The following OVOL1 variants were observed in gnomAD, a reference collection of about 807,000 sequenced individuals.
OVOL1 encodes the protein ovo like transcriptional repressor 1.
A neutral mutation model predicts 21.5 loss-of-function variants in OVOL1; 10 were observed. The observed-to-expected ratio is 0.46, with a 90% CI of 0.29 to 0.79. The LOEUF (loss-of-function observed/expected upper bound fraction) is 0.79. OVOL1 is among the 30% of genes least tolerant of loss of function. OVOL1 has a pLI of 0.10. For missense variants in OVOL1, 279 were observed against 362.3 expected, an observed-to-expected ratio of 0.77 and a Z score of 1.87; for synonymous variants, 129 against 150.3, an observed-to-expected ratio of 0.86 and a Z score of 1.03.
chr11:65,788,274 C>A (rs544157538), intron 1 of OVOL1, among the ~76,000 whole-genome samples: 2 of 152,362 alleles, frequency 1.3e-5, no homozygotes, highest in South Asian at 4.1e-4. Context: ...GACGCCTAGA[C>A]AGCGTCGACT....
chr11:65,790,025 C>G (rs1258296795), intron 1 of OVOL1: 1 of 150,864 alleles, frequency 6.6e-6, no homozygotes, highest in Non-Finnish European at 1.5e-5. Context: ...AGGAAGCCAC[C>G]TTGAACCGCT....
chr11:65,794,168 G>T lies in OVOL1; in HGVS notation c.238G>T (p.Ala80Ser). The T allele has an allele frequency of 6.2e-7, 1 of 1,613,726 alleles. No individual in the cohort carries two copies. The highest frequency in any genetic ancestry group is 8.5e-7 in the Non-Finnish European group (1 of 1,180,024). ...YSMAPGPCVV[A>S]QLPSEDMGHL... Reference sequence around the variant, plus strand: ...CATGGCCCCCGGGCCCTGTGTGGTGGCCCAGCTGCCCTCTGAAGACATGGG... The same window carrying T: ...CATGGCCCCCGGGCCCTGTGTGGTGTCCCAGCTGCCCTCTGAAGACATGGG... The change falls in exon 2 of 4, where the codon GCC becomes TCC. Residue 80 changes from alanine to serine, a missense_variant. Physicochemically the swap from Ala to Ser is moderately conservative, Grantham distance 99 (BLOSUM62 1). Coordinates refer to ENST00000335987, the MANE Select transcript of OVOL1 (RefSeq NM_004561.4).
chr11:65,787,377 C>G lies in OVOL1; in HGVS notation c.4C>G (p.Pro2Ala). 6.3e-7 allele frequency: 1 copy of G among 1,583,734 alleles called. No homozygotes were observed. The highest frequency in any genetic ancestry group is 8.6e-7 in the Non-Finnish European group (1 of 1,165,464). ...GTCCAGCGACGAGGGTTCGAAAATG[C>G]CCCGCGCGTTCCTGGTGAAGAAGCC... M[P>A]RAFLVKKPCV... Residue 2 changes from proline (P) to alanine (A), a missense_variant, in exon 1 of 4, where the codon CCC becomes GCC. Physicochemically the swap from Pro to Ala is conservative, Grantham distance 27. Transcript: ENST00000335987.
chr11:65,794,313 A>G, intron 2 of OVOL1, 65 bp downstream of exon 2: 1 of 1,431,580 alleles, frequency 7.0e-7, no homozygotes. Context: ...CCAGCTCATG[A>G]GACATGGCAC....
intron 1 of OVOL1, among the ~76,000 whole-genome samples, chr11:65,792,067 C>T (rs1858031670): frequency 1.3e-5 from 2 of 152,236 alleles, no homozygotes; most frequent in Non-Finnish European, 2.9e-5. Flanking sequence ...GCCCCTCGCT[C>T]AGGGTGGAGG....
chr11:65,792,453 G>A (rs1858039837), intron 1 of OVOL1: 4 of 152,282 alleles, frequency 2.6e-5, no homozygotes, highest in African/African-American at 9.6e-5. Context: ...AATAGCTGGT[G>A]AGCCTGCATC....
chr11:65,791,785 G>A (rs1157903413), intron 1 of OVOL1, among the ~76,000 whole-genome samples: 1 of 152,260 alleles, frequency 6.6e-6, no homozygotes, highest in Non-Finnish European at 1.5e-5. Context: ...GCTGTGGGCG[G>A]GTGATGAGTA....
Position 65,795,739 on chromosome 11 carries a change from C to T in OVOL1, c.*398C>T. ...GCCTCTCAGCACAGGGCAGGGGCTG[C>T]AGGTCCCCAGTGGACATCAGAGTCA... On this transcript the variant is annotated 3_prime_UTR_variant, in exon 4 of 4. Transcript: ENST00000335987. This position sits in a 1 kb window ranked among gnomAD's most constrained non-coding sequence, Gnocchi z 5.7. 4.0e-6 allele frequency: 1 copy of T among 250,368 alleles called. No homozygotes were observed. The highest frequency in any genetic ancestry group is 7.8e-6 in the Non-Finnish European group (1 of 127,666). The allele number at this position is 250,368 out of a possible 1,614,324, so 15.5% of individuals were successfully genotyped here. A position where few individuals can be genotyped will look rare whatever the true frequency, so the allele number is the denominator to read the frequency against.
intron 1 of OVOL1, among the ~76,000 whole-genome samples, chr11:65,787,924 A>G (rs1857935929): frequency 1.3e-5 from 2 of 152,154 alleles, no homozygotes; most frequent in African/African-American, 4.8e-5. Context: ...GATTTGTGTT[A>G]AAAGCTCAGA....
chr11:65,793,262 G>A (rs1218693470), intron 1 of OVOL1, among the ~76,000 whole-genome samples: 1 of 152,220 alleles, frequency 6.6e-6, no homozygotes, highest in African/African-American at 2.4e-5. Context: ...CTGCCTCGGG[G>A]CGTGGCTGCA....
chr11:65,788,788 C>A, intron 1 of OVOL1: 1 of 985,484 alleles, frequency 1.0e-6, no homozygotes, highest in Non-Finnish European at 1.2e-6. Context: ...CTGGTAACCC[C>A]AGTGGGGAAA....
Position 65,795,623 on chromosome 11 carries a change from T to G in OVOL1, c.*282T>G. Reference sequence around the variant, plus strand: ...GGATGAGGCCAAGGCTGCCTTCAATTAGAAGCAGCCGCCCACAGAGACAGG... The same window carrying G: ...GGATGAGGCCAAGGCTGCCTTCAATGAGAAGCAGCCGCCCACAGAGACAGG... On this transcript the variant is annotated 3_prime_UTR_variant, in exon 4 of 4. Coordinates refer to ENST00000335987, the MANE Select transcript of OVOL1 (RefSeq NM_004561.4). This position sits in a 1 kb window ranked among gnomAD's most constrained non-coding sequence, Gnocchi z 5.7. 1 of 509,096 alleles carries G rather than the reference T, an allele frequency of 2.0e-6. No homozygotes were observed. The allele number at this position is 509,096 out of a possible 1,614,324, so 31.5% of individuals were successfully genotyped here.
intron 1 of OVOL1, 53 bp downstream of exon 1, chr11:65,787,526 G>C: frequency 9.5e-7 from 1 of 1,049,392 alleles, no homozygotes; most frequent in South Asian, 1.9e-5. Flanking sequence ...CGTCGAGGCT[G>C]CGGGCGGGCG....
intron 1 of OVOL1, chr11:65,789,271 G>A (rs894171326): frequency 1.9e-4 from 37 of 192,484 alleles, no homozygotes; most frequent in Non-Finnish European, 1.8e-4. Flanking sequence ...GGGGCTTCCT[G>A]TCAGGTGCAG....
rs1040658598 is a variant in OVOL1 at position 65,796,993 on chromosome 11, T to C, written c.*1652T>C. On this transcript the variant is annotated 3_prime_UTR_variant, in exon 4 of 4. Transcript: ENST00000335987. ...CCTGGACTGCCCTCTGAAATGTGTA[T>C]AGATTGATTCTAAAATCTCTTGTTT... The C allele has an allele frequency of 6.6e-6, 1 of 152,338 alleles. No individual in the cohort carries two copies. The highest frequency in any genetic ancestry group is 2.4e-5 in the African/African-American group (1 of 41,572). 9.4% of individuals were successfully genotyped at this position (152,338 alleles called of 1,614,324 possible).
chr11:65,789,611 C>G (rs993689477), intron 1 of OVOL1: 2 of 959,710 alleles, frequency 2.1e-6, no homozygotes, highest in Non-Finnish European at 2.5e-6. Flanking sequence ...GCTGGCCTGT[C>G]CCCTGGCTGG....
At chr11:65,794,463 TC>T in intron 2 of OVOL1, 74 bp from the exon 3 acceptor site, 1 of 1,419,416 alleles carries the variant, frequency 7.0e-7, no homozygotes, top group Non-Finnish European at 9.8e-7. Context: ...GGGGCTGGCA[TC>T]CACGTCTTCC....
chr11:65,790,154 G>C (rs1159531673), intron 1 of OVOL1: 2 of 151,336 alleles, frequency 1.3e-5, no homozygotes, highest in East Asian at 1.9e-4. Context: ...CTGTACCCAG[G>C]GGGTAAATTC....
intron 1 of OVOL1, chr11:65,790,669 C>T (rs1439097362): frequency 6.6e-6 from 1 of 152,490 alleles, no homozygotes; most frequent in Non-Finnish European, 1.5e-5. Context: ...CTGTGCTTGC[C>T]AGGGAGCGGG....
Sources: gnomAD v4.1 joint callset for allele counts (sites outside exome capture counted in the v4.1 genomes callset) on GRCh38, gnomAD v4.1.1 for gene constraint, Gnocchi (gnomAD v3.1) non-coding constraint, MANE v1.5 for transcripts, NCBI Gene and HGNC (gene_info 2026-07-23, HGNC 2026-07-21) for gene names.